The following GATA5 variants were observed in gnomAD, a reference collection of about 807,000 sequenced individuals.
The protein encoded by GATA5 is transcription factor GATA-5.
In GATA5, 27 loss-of-function variants were observed where a neutral mutation model predicts 35.0. The ratio of observed to expected loss-of-function variants is 0.77; its 90% CI spans 0.57 to 1.06. The LOEUF (loss-of-function observed/expected upper bound fraction) is 1.06. Among genes scored for constraint, GATA5 ranks in the 50% least tolerant of loss-of-function variants. The pLI is 0.00. For missense variants in GATA5, 612 were observed against 580.0 expected (o/e 1.06, Z -0.57); for synonymous variants, 306 against 267.8 (o/e 1.14, Z -1.39).
intron 3 of GATA5, among the ~76,000 whole-genome samples, chr20:62,471,489 T>C (rs73149277): frequency 0.083 from 11,396 of 136,594 alleles, 607 homozygotes; most frequent in Middle Eastern, 0.18. Flanking sequence ...TGGAGTGCAG[T>C]GGTGCCATCT....
chr20:62,468,423 C>T (rs1392365005), intron 3 of GATA5, among the ~76,000 whole-genome samples: 4 of 152,258 alleles, frequency 2.6e-5, no homozygotes, highest in South Asian at 4.1e-4. Context: ...GCCGTCCTGT[C>T]GAAGGCCTGA....
intron 1 of GATA5, among the ~76,000 whole-genome samples, 182 bp from the exon 2 acceptor site, chr20:62,475,724 G>C (rs1468345691): frequency 1.3e-5 from 2 of 152,112 alleles, no homozygotes; most frequent in African/African-American, 4.8e-5. Context: ...AGAGGCCAGC[G>C]CGTCATCCCC....
rs1555896103 is a variant in GATA5 at position 62,466,480 on chromosome 20, G to A, written c.771C>T (p.Asn257=). The change falls in exon 4 of 7, where the codon AAC becomes AAT. Residue 257 remains asparagine (N), a synonymous_variant. Transcript: ENST00000252997. ...CATTGCACACGGGCTCCCCCTCCGAGTTCCGCCGCCACAGCGTGGTGTTGG... is the reference window on the plus strand; with the variant it reads ...CATTGCACACGGGCTCCCCCTCCGAATTCCGCCGCCACAGCGTGGTGTTGG... ...HTTNTTLWRR[N]SEGEPVCNAC... 1 of 1,578,602 alleles carries A rather than the reference G, an allele frequency of 6.3e-7. No homozygotes were observed.
In GATA5 at chr20:62,475,135, CG is replaced by C; in HGVS notation, c.386del (p.Pro129ArgfsTer18). ...ACGAGGTCCCCACCGGCCGCCCAAGCGGGGCCGCGAACTGTTCTCGAGGCAA... is the reference window on the plus strand; with the variant it reads ...ACGAGGTCCCCACCGGCCGCCCAAGCGGGCCGCGAACTGTTCTCGAGGCAA... ...ALLPREQFAA[P>X]LGRPVGTSYS... On this transcript the variant is annotated frameshift_variant, in exon 2 of 7. Transcript: ENST00000252997. LOFTEE classifies it high-confidence loss of function. 2.2e-6 allele frequency: 3 copies of C among 1,365,398 alleles called. No homozygotes were observed. The highest frequency in any genetic ancestry group is 3.5e-5 in the Admixed American group (1 of 28,836). The allele number at this position is 1,365,398 out of a possible 1,614,324, so 84.6% of individuals were successfully genotyped here. A position where few individuals can be genotyped will look rare whatever the true frequency, so the allele number is the denominator to read the frequency against.
intron 3 of GATA5, among the ~76,000 whole-genome samples, chr20:62,467,990 G>A (rs927968438): frequency 3.0e-4 from 45 of 147,646 alleles, no homozygotes; most frequent in African/African-American, 1.1e-3. Context: ...AGCCAGCCTC[G>A]GCTTCCCCGT....
In GATA5 at chr20:62,475,548, G is replaced by T; in HGVS notation, c.-21-6C>A. 2 of 1,260,984 alleles carry T rather than the reference G, an allele frequency of 1.6e-6. No individual in the cohort carries two copies. The highest frequency in any genetic ancestry group is 7.1e-5 in the South Asian group (2 of 28,058). 78.1% of individuals were successfully genotyped at this position (1,260,984 alleles called of 1,614,324 possible). On this transcript the variant is annotated splice_region_variant and splice_polypyrimidine_tract_variant and intron_variant, in intron 1 of 6. Coordinates refer to ENST00000252997, the MANE Select transcript of GATA5 (RefSeq NM_080473.5). ...CTCCCAGGCGTGGTCTTGACCTGCA[G>T]GGAAGAGGGACAGGTGTGGAGGTCA...
chr20:62,466,040 C>G (rs1447908609), intron 4 of GATA5, 119 bp from the exon 5 acceptor site: 1 of 753,018 alleles, frequency 1.3e-6, no homozygotes, highest in Non-Finnish European at 2.2e-6. Context: ...GCTGTGTCCT[C>G]ACAGCCCTGG....
chr20:62,473,688 G>A, intron 2 of GATA5, 110 bp from the exon 3 acceptor site: 1 of 984,946 alleles, frequency 1.0e-6, no homozygotes, highest in East Asian at 2.7e-5. Context: ...TTCGTCAGAC[G>A]AATAAACTTA....
chr20:62,473,561 C>G lies in GATA5; in HGVS notation c.541G>C (p.Glu181Gln). Residue 181 changes from glutamate to glutamine, a missense_variant, in exon 3 of 7, where the codon GAG (glutamate) becomes CAG (glutamine). Glu to Gln is a conservative substitution (Grantham distance 29). Coordinates refer to ENST00000252997, the MANE Select transcript of GATA5 (RefSeq NM_080473.5). The stretch of plus-strand genomic sequence containing the variant: ...CACTCACGACCCTCACCCGGGAACT[C>G]CTCCAAGAAGTCGGACACTGAGGGG... ...RPTFVSDFLE[E>Q]FPGEGRECVN... 1 of 1,598,180 alleles carries G rather than the reference C, an allele frequency of 6.3e-7. No individual in the cohort carries two copies. Among genetic ancestry groups the G allele is most frequent in the South Asian group, 1.1e-5 (1 of 88,808 alleles).
intron 3 of GATA5, among the ~76,000 whole-genome samples, chr20:62,471,448 T>TTTTTTTTTTTTTTTTTTTTTTTTTTG (rs1216745509): frequency 2.1e-5 from 3 of 142,274 alleles, no homozygotes; most frequent in Non-Finnish European, 3.1e-5. Context: ...TTTTTTTTTT[T>TTTTTTTTTTTTTTTTTTTTTTTTTTG]TGTGATGAGG....
In GATA5 at chr20:62,465,840, A is replaced by C; in HGVS notation, c.907T>G (p.Ser303Ala). 10 of 1,586,830 alleles carry C rather than the reference A, an allele frequency of 6.3e-6. No individual in the cohort carries two copies. The highest frequency in any genetic ancestry group is 8.6e-6 in the Non-Finnish European group (10 of 1,166,082). ...KPKTIAKARG[S>A]SGSTRNASAS... ...GCAGGGCCTGGCCACGCACCTGAGG[A>C]GCCCCTGGCCTTGGCGATGGTCTTT... Residue 303 changes from serine (S) to alanine (A), a missense_variant, in exon 5 of 7, where the codon TCC becomes GCC. Ser to Ala is a moderately conservative substitution (Grantham distance 99, BLOSUM62 1). Coordinates refer to ENST00000252997, the MANE Select transcript of GATA5 (RefSeq NM_080473.5).
rs1989525217 is a variant in GATA5 at position 62,464,492 on chromosome 20, C to T, written c.*344G>A. On this transcript the variant is annotated 3_prime_UTR_variant, in exon 7 of 7. Coordinates refer to ENST00000252997, the MANE Select transcript of GATA5 (RefSeq NM_080473.5). ...CTGCTACAACTTGTAAACATATTGA[C>T]GGTGAGCATTGATGACGGAATTCAA... 3 of 193,642 alleles carry T rather than the reference C, an allele frequency of 1.5e-5. No individual in the cohort carries two copies. Among genetic ancestry groups the T allele is most frequent in the South Asian group, 1.8e-4 (1 of 5,666 alleles). The allele number at this position is 193,642 out of a possible 1,614,324, so 12.0% of individuals were successfully genotyped here.
In GATA5 at chr20:62,465,899, T is replaced by C. The variant is rs1989574488; in HGVS notation, c.848A>G (p.Lys283Arg). 6.3e-7 allele frequency: 1 copy of C among 1,595,544 alleles called. No individual in the cohort carries two copies. Among genetic ancestry groups the C allele is most frequent in the Non-Finnish European group, 8.5e-7 (1 of 1,171,038 alleles). Reference protein sequence around the residue: ...LHGVPRPLAMKKESIQTRKRK... With the variant: ...LHGVPRPLAMRKESIQTRKRK... Reference sequence around the variant, plus strand: ...CTTCCGTGTCTGGATGCTTTCCTTCTTCATAGCCAGAGGCCGCGGCACCTG... The same window carrying C: ...CTTCCGTGTCTGGATGCTTTCCTTCCTCATAGCCAGAGGCCGCGGCACCTG... The change falls in exon 5 of 7, where the codon AAG becomes AGG. Residue 283 changes from lysine to arginine, a missense_variant. Coordinates refer to ENST00000252997, the MANE Select transcript of GATA5 (RefSeq NM_080473.5).
Position 62,475,457 on chromosome 20 carries a change from A to T in GATA5, c.65T>A (p.Phe22Tyr). The T allele has an allele frequency of 7.5e-7, 1 of 1,341,228 alleles. No individual in the cohort carries two copies. The highest frequency in any genetic ancestry group is 1.5e-5 in the African/African-American group (1 of 65,956). The allele number at this position is 1,341,228 out of a possible 1,614,324, so 83.1% of individuals were successfully genotyped here. A position where few individuals can be genotyped will look rare whatever the true frequency, so the allele number is the denominator to read the frequency against. Reference sequence around the variant, plus strand: ...AGAGCCGGCGCCCGGAGCGTGCAGGAAGGAGCCCGAGTCGGCGTAGGCGGC... The same window carrying T: ...AGAGCCGGCGCCCGGAGCGTGCAGGTAGGAGCCCGAGTCGGCGTAGGCGGC... ...RQAAYADSGS[F>Y]LHAPGAGSPM... Residue 22 changes from phenylalanine to tyrosine, a missense_variant, in exon 2 of 7, where the codon TTC becomes TAC. Transcript: ENST00000252997.
intron 3 of GATA5, among the ~76,000 whole-genome samples, chr20:62,469,957 A>G (rs1989684025): frequency 6.6e-6 from 1 of 152,156 alleles, no homozygotes; most frequent in Admixed American, 6.5e-5. Flanking sequence ...TACCGCGACG[A>G]TGCCTTCATT....
rs78056919 is a variant in GATA5 at position 62,464,064 on chromosome 20, C to T, written c.*772G>A. ...ACCACGTCACCACCAGCCCCAACAG[C>T]GCTTGGATGGGTCAGGACAGGGCTA... On this transcript the variant is annotated 3_prime_UTR_variant, in exon 7 of 7. Transcript: ENST00000252997. 1,444 of 152,328 alleles carry T rather than the reference C, an allele frequency of 9.5e-3. 56 individuals carry two copies. Among genetic ancestry groups the T allele is most frequent in the East Asian group, 0.076 (394 of 5,178 alleles). 9.4% of individuals were successfully genotyped at this position (152,328 alleles called of 1,614,324 possible). A position where few individuals can be genotyped will look rare whatever the true frequency, so the allele number is the denominator to read the frequency against.
rs1555895715 is a variant in GATA5 at position 62,464,067 on chromosome 20, T to G, written c.*769A>C. 2 of 152,234 alleles carry G rather than the reference T, an allele frequency of 1.3e-5. No individual in the cohort carries two copies. Among genetic ancestry groups the G allele is most frequent in the African/African-American group, 4.8e-5 (2 of 41,454 alleles). The allele number at this position is 152,234 out of a possible 1,614,324, so 9.4% of individuals were successfully genotyped here. A position where few individuals can be genotyped will look rare whatever the true frequency, so the allele number is the denominator to read the frequency against. On this transcript the variant is annotated 3_prime_UTR_variant, in exon 7 of 7. Coordinates refer to ENST00000252997, the MANE Select transcript of GATA5 (RefSeq NM_080473.5). ...ACGTCACCACCAGCCCCAACAGCGC[T>G]TGGATGGGTCAGGACAGGGCTACCA...
At chr20:62,471,899 CTTTTTTT>C (rs782266668) in intron 3 of GATA5, among the ~76,000 whole-genome samples, 2 of 135,010 alleles carry the variant, frequency 1.5e-5, no homozygotes, top group Non-Finnish European at 3.2e-5. Flanking sequence ...TGACTAATTT[CTTTTTTT>C]TTTTTTTTTT....
rs1555897094 is a variant in GATA5 at position 62,475,493 on chromosome 20, C to T, written c.29G>A (p.Ser10Asn). The change falls in exon 2 of 7, where the codon AGC becomes AAC. Residue 10 changes from serine (S) to asparagine (N), a missense_variant. Coordinates refer to ENST00000252997, the MANE Select transcript of GATA5 (RefSeq NM_080473.5). MYQSLALAASPRQAAYADSG... is the reference protein window; with the variant it reads MYQSLALAANPRQAAYADSG... ...GTCGGCGTAGGCGGCCTGGCGGGGG[C>T]TCGCGGCCAGCGCCAGGCTCTGGTA... 9 of 1,321,078 alleles carry T rather than the reference C, an allele frequency of 6.8e-6. No individual in the cohort carries two copies. The highest frequency in any genetic ancestry group is 3.4e-5 in the Admixed American group (1 of 29,660). 81.8% of individuals were successfully genotyped at this position (1,321,078 alleles called of 1,614,324 possible). A position where few individuals can be genotyped will look rare whatever the true frequency, so the allele number is the denominator to read the frequency against.
Sources: allele counts gnomAD v4.1 joint callset (sites outside exome capture counted in the v4.1 genomes callset), GRCh38; gene constraint gnomAD v4.1.1; transcripts MANE v1.5; gene names NCBI Gene and HGNC (gene_info 2026-07-23, HGNC 2026-07-21).